The following TMTC2 variants were observed in gnomAD, a reference collection of about 807,000 sequenced individuals.
TMTC2 encodes transmembrane O-mannosyltransferase targeting cadherins 2.
A neutral mutation model predicts 82.4 loss-of-function variants in TMTC2; 43 were observed. The ratio of observed to expected loss-of-function variants is 0.52; its 90% confidence interval spans 0.41 to 0.67. The LOEUF (loss-of-function observed/expected upper bound fraction) is 0.67, where lower values mean the gene tolerates loss of function less well. Among genes scored for constraint, TMTC2 ranks in the 30% least tolerant of loss-of-function variants. The pLI is 0.00. For missense variants in TMTC2, 919 were observed against 1,012.4 expected, an observed-to-expected ratio of 0.91 and a Z score of 1.25; for synonymous variants, 408 against 381.9, an observed-to-expected ratio of 1.07 and a Z score of -0.80.
chr12:82,751,650 T>G (rs1214813151), intron 1 of TMTC2, among the ~76,000 whole-genome samples: 1 of 152,166 alleles, frequency 6.6e-6, no homozygotes, highest in East Asian at 1.9e-4. Context: ...CAATGGCTAA[T>G]AAAGAAATCA....
chr12:83,106,280 A>T (rs1255279323), intron 11 of TMTC2, among the ~76,000 whole-genome samples: 1 of 152,136 alleles, frequency 6.6e-6, no homozygotes, highest in African/African-American at 2.4e-5. Context: ...CGGGCAGATC[A>T]CCTGAGGTCA....
At chr12:83,051,843 G>T (rs1052932777) in intron 10 of TMTC2, among the ~76,000 whole-genome samples, 2 of 152,016 alleles carry the variant, frequency 1.3e-5, no homozygotes, top group South Asian at 2.1e-4. Flanking sequence ...AAAATATAAG[G>T]CCAGATTATC....
At chr12:82,963,816 T>TC (rs1878054099) in intron 4 of TMTC2, among the ~76,000 whole-genome samples, 3 of 82,396 alleles carry the variant, frequency 3.6e-5, no homozygotes, top group Non-Finnish European at 6.9e-5. Context: ...TATATATATA[T>TC]ATATATATAT....
chr12:82,816,949 C>A (rs997013167), intron 1 of TMTC2, among the ~76,000 whole-genome samples: 1 of 150,176 alleles, frequency 6.7e-6, no homozygotes, highest in African/African-American at 2.4e-5. Flanking sequence ...TCGTAAGAGT[C>A]AGGAATTTTT....
intron 1 of TMTC2, among the ~76,000 whole-genome samples, chr12:82,765,698 AAAACAAAC>A (rs139130701): frequency 1.4e-5 from 2 of 146,696 alleles, no homozygotes; most frequent in African/African-American, 2.7e-5. Flanking sequence ...AAAACAAAAC[AAAACAAAC>A]AAACAAACAA....
chr12:82,843,821 G>A (rs902320164), intron 1 of TMTC2, among the ~76,000 whole-genome samples: 4 of 152,008 alleles, frequency 2.6e-5, no homozygotes, highest in African/African-American at 7.2e-5. Flanking sequence ...GGTGGCAGGC[G>A]CCTGCAGTGC....
At chr12:82,972,744 C>T (rs1878504692) in intron 7 of TMTC2, among the ~76,000 whole-genome samples, 1 of 152,090 alleles carries the variant, frequency 6.6e-6, no homozygotes, top group African/African-American at 2.4e-5. Context: ...TGTTCTCGCT[C>T]GTAAATTCAA....
At chr12:83,028,029 C>T (rs1234716128) in intron 8 of TMTC2, among the ~76,000 whole-genome samples, 1 of 152,088 alleles carries the variant, frequency 6.6e-6, no homozygotes, top group Non-Finnish European at 1.5e-5. Flanking sequence ...TTTCATTTTA[C>T]ATCTTTTTTC....
At chr12:82,876,156 A>ATTCATAATGGTG (rs1872560887) in intron 2 of TMTC2, among the ~76,000 whole-genome samples, 1 of 114,928 alleles carries the variant, frequency 8.7e-6, no homozygotes, top group South Asian at 2.4e-4. Context: ...TGGTGGTGGT[A>ATTCATAATGGTG]GTGGTGGTAG....
intron 1 of TMTC2, among the ~76,000 whole-genome samples, chr12:82,726,896 A>AT (rs1294286303): frequency 6.6e-6 from 1 of 151,468 alleles, no homozygotes; most frequent in Non-Finnish European, 1.5e-5. Context: ...AAAAAAAAAA[A>AT]AAAAGGAAAG....
chr12:82,701,905 C>T (rs1194876873), intron 1 of TMTC2, among the ~76,000 whole-genome samples: 1 of 151,858 alleles, frequency 6.6e-6, no homozygotes, highest in Non-Finnish European at 1.5e-5. Flanking sequence ...CCTCTTCACC[C>T]CCATTTCCTT....
At chr12:83,108,787 C>T (rs1884502301) in intron 11 of TMTC2, among the ~76,000 whole-genome samples, 1 of 152,154 alleles carries the variant, frequency 6.6e-6, no homozygotes, top group African/African-American at 2.4e-5. Flanking sequence ...CTATAAGTAA[C>T]AGCTGCTTCA....
intron 7 of TMTC2, among the ~76,000 whole-genome samples, chr12:82,972,147 G>A (rs2137314680): frequency 6.6e-6 from 1 of 152,140 alleles, no homozygotes; most frequent in East Asian, 1.9e-4. Flanking sequence ...TGAAAAGTGT[G>A]TTTATGATGA....
rs868061819 is a variant in TMTC2, at chr12:83,095,554, G to A, written c.2331+33723G>A. Reference sequence around the variant, plus strand: ...CGCAAAATTTTATGTTTTTTGGCCTGAGCAACTTTCAGAAGGATAGAGTTG... The same window carrying A: ...CGCAAAATTTTATGTTTTTTGGCCTAAGCAACTTTCAGAAGGATAGAGTTG... On this transcript the variant is annotated intron_variant, in intron 11 of 11. Transcript: ENST00000321196. 2.0e-4 allele frequency among the ~76,000 whole-genome samples: 31 copies of A among 152,232 alleles called. 1 individual carries two copies. In the Middle Eastern group the frequency reaches 0.014, roughly 67 times the overall value.
At chr12:82,766,724 A>G (rs554950808) in intron 1 of TMTC2, among the ~76,000 whole-genome samples, 13 of 152,350 alleles carry the variant, frequency 8.5e-5, no homozygotes, top group African/African-American at 3.1e-4. Flanking sequence ...CTTACATTGT[A>G]GGCAATACTA....
Position 83,026,741 on chromosome 12 carries a change from T to TGA in TMTC2, c.2071-4056_2071-4055dup, listed in dbSNP as rs1555206534. On this transcript the variant is annotated intron_variant, in intron 8 of 11. Coordinates refer to ENST00000321196, the MANE Select transcript of TMTC2 (RefSeq NM_152588.3). ...GTGTGTGTGTGTGTGTGTGTGTGTG[T>TGA]GAAAATACGTGTGTATTTTTATATT... is the stretch of plus-strand genomic sequence containing the variant. Among the ~76,000 whole-genome samples, 491 of 148,412 alleles carry TGA rather than the reference T, an allele frequency of 3.3e-3. 7 individuals carry two copies. The highest frequency in any genetic ancestry group is 0.03 in the Admixed American group (440 of 14,910).
At chr12:82,986,198 A>G (rs771486855) in intron 8 of TMTC2, 152 bp downstream of exon 8, 53 of 1,019,270 alleles carry the variant, frequency 5.2e-5, no homozygotes, top group Non-Finnish European at 4.8e-5. Context: ...CAGAAAATAT[A>G]GAAAAATGTG....
chr12:82,929,331 A>G (rs1365957620), intron 3 of TMTC2, among the ~76,000 whole-genome samples: 2 of 152,156 alleles, frequency 1.3e-5, no homozygotes, highest in Non-Finnish European at 2.9e-5. Flanking sequence ...AAGTGCTAGT[A>G]CAGGTGCAAG....
chr12:83,033,329 A>C (rs1219791372), intron 9 of TMTC2, among the ~76,000 whole-genome samples: 2 of 152,364 alleles, frequency 1.3e-5, no homozygotes, highest in East Asian at 3.9e-4. Context: ...AAGTTCTGTT[A>C]AAATTATGTA....
Sources: allele counts gnomAD v4.1 joint callset (sites outside exome capture counted in the v4.1 genomes callset), GRCh38; gene constraint gnomAD v4.1.1; transcripts MANE v1.5; gene names NCBI Gene and HGNC (gene_info 2026-07-23, HGNC 2026-07-21).